Variants in SLC22A23 observed in about 807,000 individuals in gnomAD.
SLC22A23 encodes solute carrier family 22 member 23.
SLC22A23 carries 26 observed loss-of-function variants against 61.0 expected under a neutral mutation model. The ratio of observed to expected loss-of-function variants is 0.43; its 90% CI spans 0.31 to 0.59. SLC22A23 has a LOEUF of 0.59. Ranked by LOEUF, SLC22A23 falls within the 20% of genes least tolerant of loss-of-function variation. The probability of loss-of-function intolerance (pLI) is 0.11; values close to 1 mark genes in which losing one functional copy is unlikely to be tolerated. For synonymous variants in SLC22A23, 430 were observed against 413.9 expected, an observed-to-expected ratio of 1.04 and a Z score of -0.47; for missense variants, 796 against 934.7, an observed-to-expected ratio of 0.85 and a Z score of 1.94.
chr6:3,357,370 A>C (rs1156957927), intron 3 of SLC22A23, among the ~76,000 whole-genome samples: 1 of 152,184 alleles, frequency 6.6e-6, no homozygotes. Flanking sequence ...GTGGCTCAGC[A>C]ATAGTGTAAG....
chr6:3,336,716 T>C (rs1763878576), intron 3 of SLC22A23, among the ~76,000 whole-genome samples: 1 of 151,016 alleles, frequency 6.6e-6, no homozygotes, highest in Admixed American at 6.6e-5. Flanking sequence ...ACCACAGAAA[T>C]CAGGCACAAC....
At position 3,455,904 on chromosome 6, in the gene SLC22A23, A is replaced by G; in HGVS notation, c.654+2T>C. 1 of 1,494,894 alleles carries G rather than the reference A, an allele frequency of 6.7e-7. No individual in the cohort carries two copies. The highest frequency in any genetic ancestry group is 9.0e-7 in the Non-Finnish European group (1 of 1,114,912). 92.6% of individuals were successfully genotyped at this position (1,494,894 alleles called of 1,614,324 possible). A position where few individuals can be genotyped will look rare whatever the true frequency, so the allele number is the denominator to read the frequency against. On this transcript the variant is annotated splice_donor_variant, in intron 1 of 9. Coordinates refer to ENST00000406686, the MANE Select transcript of SLC22A23 (RefSeq NM_015482.2). LOFTEE classifies it high-confidence loss of function. ...GAGGGACTGGGCGGCTGCGGCCCTT[A>G]CCTTGCTGACCACGTTCTGGACGAG... is the stretch of plus-strand genomic sequence containing the variant.
chr6:3,290,587 A>C (rs1760491709), intron 5 of SLC22A23: 1 of 153,260 alleles, frequency 6.5e-6, no homozygotes. Flanking sequence ...CATGAGACTG[A>C]GTTTCTTGTG....
At chr6:3,352,866 C>T (rs968813380) in intron 3 of SLC22A23, among the ~76,000 whole-genome samples, 5 of 152,072 alleles carry the variant, frequency 3.3e-5, no homozygotes, top group South Asian at 2.1e-4. Flanking sequence ...ATGGACAAGC[C>T]GCGTGCCCTG....
rs558889389 is a variant in SLC22A23, at chr6:3,394,008, G to A, written c.913+16180C>T. On this transcript the variant is annotated intron_variant, in intron 3 of 9. Coordinates refer to ENST00000406686, the MANE Select transcript of SLC22A23 (RefSeq NM_015482.2). ...AGGTGAAAAGGAAAAATGCCAAAAA[G>A]GAGAGCTTGGAAACACAGCAGAAGA... Among the ~76,000 whole-genome samples the A allele has an allele frequency of 5.1e-4, 78 of 152,266 alleles. 3 individuals are homozygous for A. The East Asian group carries it at 8.1e-3, about 16-fold the overall frequency.
At position 3,322,917 on chromosome 6, in the gene SLC22A23, A is replaced by T. The variant is rs1763044049; in HGVS notation, c.1082+917T>A. Among the ~76,000 whole-genome samples, 1 of 152,186 alleles carries T rather than the reference A, an allele frequency of 6.6e-6. No individual in the cohort carries two copies. The highest frequency in any genetic ancestry group is 1.5e-5 in the Non-Finnish European group (1 of 68,028). On this transcript the variant is annotated intron_variant, in intron 4 of 9. Transcript: ENST00000406686. The surrounding 1 kb of genome is among the most constrained non-coding windows in gnomAD (Gnocchi z 4.1). ...TTATGGGTAAGGTGAGAGTATCAGCATGGAGAGGGATGGGAAGGAAGGGAA... is the reference window on the plus strand; with the variant it reads ...TTATGGGTAAGGTGAGAGTATCAGCTTGGAGAGGGATGGGAAGGAAGGGAA...
intron 3 of SLC22A23, among the ~76,000 whole-genome samples, chr6:3,349,267 G>T (rs1295729321): frequency 6.6e-6 from 1 of 152,190 alleles, no homozygotes; most frequent in African/African-American, 2.4e-5. Flanking sequence ...GCTTCGGACT[G>T]GGCAGTCAGA....
intron 1 of SLC22A23, among the ~76,000 whole-genome samples, chr6:3,432,567 G>A (rs908718492): frequency 6.6e-6 from 1 of 152,088 alleles, no homozygotes; most frequent in Non-Finnish European, 1.5e-5. Flanking sequence ...GAACATTTGG[G>A]GGCTTCAAAT....
chr6:3,340,600 C>T (rs764367076), intron 3 of SLC22A23, among the ~76,000 whole-genome samples: 3 of 152,082 alleles, frequency 2.0e-5, no homozygotes, highest in Admixed American at 6.5e-5. Flanking sequence ...GCTTTGTAAC[C>T]GATCCTTTGT....
chr6:3,424,041 A>G (rs918683195), intron 1 of SLC22A23, among the ~76,000 whole-genome samples: 1 of 152,174 alleles, frequency 6.6e-6, no homozygotes, highest in African/African-American at 2.4e-5. Context: ...TTGTTGTAAC[A>G]GGACCCTGTT....
chr6:3,423,566 C>T (rs937078487), intron 1 of SLC22A23, among the ~76,000 whole-genome samples: 2 of 152,094 alleles, frequency 1.3e-5, no homozygotes, highest in Non-Finnish European at 2.9e-5. Flanking sequence ...AGAGTAAGCC[C>T]TGTAAGTTAA....
In SLC22A23 at chr6:3,456,417, G is replaced by A. The variant is rs1274650952; in HGVS notation, c.143C>T (p.Ala48Val). The change falls in exon 1 of 10, where the codon GCG (alanine) becomes GTG (valine). Residue 48 changes from alanine to valine, a missense_variant. Transcript: ENST00000406686. This position sits in a 1 kb window ranked among gnomAD's most constrained non-coding sequence, Gnocchi z 7.1. ...LGGRAGPGGG[A>V]EIQPLPPLHP... ...CAGTGGGGGCAGCGGCTGGATCTCC[G>A]CGCCGCCGCCGGGGCCCGCGCGTCC... The A allele has an allele frequency of 7.2e-7, 1 of 1,383,250 alleles. No individual in the cohort carries two copies. The highest frequency in any genetic ancestry group is 9.4e-7 in the Non-Finnish European group (1 of 1,067,010). The allele number at this position is 1,383,250 out of a possible 1,614,324, so 85.7% of individuals were successfully genotyped here.
At chr6:3,332,308 A>G (rs1457481833) in intron 3 of SLC22A23, among the ~76,000 whole-genome samples, 4 of 152,226 alleles carry the variant, frequency 2.6e-5, no homozygotes, top group Non-Finnish European at 5.9e-5. Context: ...TAAACAGAAT[A>G]GATCTCAATA....
intron 1 of SLC22A23, among the ~76,000 whole-genome samples, chr6:3,449,460 A>G (rs1460749722): frequency 6.6e-6 from 1 of 152,264 alleles, no homozygotes; most frequent in African/African-American, 2.4e-5. Context: ...CTATAAATAC[A>G]TAAGAAAATA....
chr6:3,357,539 A>G (rs1180756173), intron 3 of SLC22A23, among the ~76,000 whole-genome samples: 1 of 152,154 alleles, frequency 6.6e-6, no homozygotes, highest in Non-Finnish European at 1.5e-5. Context: ...TATCAAAAAG[A>G]TATCTAAAAG....
In SLC22A23 at chr6:3,397,130, A is replaced by AGAGT. The variant is rs1352004440; in HGVS notation, c.913+13054_913+13057dup. On this transcript the variant is annotated intron_variant, in intron 3 of 9. Coordinates refer to ENST00000406686, the MANE Select transcript of SLC22A23 (RefSeq NM_015482.2). ...GAGGTTTGAGCAGCAGGGCACTGGA[A>AGAGT]GAGTGACCCACTCTCCCATCCCACA... 2.0e-5 allele frequency among the ~76,000 whole-genome samples: 3 copies of AGAGT among 152,186 alleles called. No homozygotes were observed. In the East Asian group the frequency reaches 5.8e-4, roughly 29 times the overall value.
rs1446419459 is a variant in SLC22A23, at chr6:3,272,500, CAGAA to C, written c.*551_*554del. On this transcript the variant is annotated 3_prime_UTR_variant, in exon 10 of 10. Transcript: ENST00000406686. ...CGAACAGAAGCTCTTACCTTACAAA[CAGAA>C]AGGGAAAAAGGACCTTAAAAAACCA... 8.5e-5 allele frequency: 13 copies of C among 152,688 alleles called. No individual in the cohort carries two copies. The highest frequency in any genetic ancestry group is 2.9e-4 in the African/African-American group (12 of 41,436). The allele number at this position is 152,688 out of a possible 1,614,324, so 9.5% of individuals were successfully genotyped here.
rs1353476039 is a variant in SLC22A23, at chr6:3,318,603, A to G, written c.1082+5231T>C. ...TTCCCAGGAGGCCCTGTGTGGTCCT[A>G]TGTACCCCTTCCTCCTGGGAACTGA... On this transcript the variant is annotated intron_variant, in intron 4 of 9. Transcript: ENST00000406686. This position sits in a 1 kb window ranked among gnomAD's most constrained non-coding sequence, Gnocchi z 4.3. Among the ~76,000 whole-genome samples the G allele has an allele frequency of 6.6e-6, 1 of 151,818 alleles. No homozygotes were observed. Among genetic ancestry groups the G allele is most frequent in the East Asian group, 1.9e-4 (1 of 5,158 alleles).
chr6:3,451,229 A>T (rs985985538), intron 1 of SLC22A23, among the ~76,000 whole-genome samples: 3 of 152,198 alleles, frequency 2.0e-5, no homozygotes, highest in African/African-American at 7.2e-5. Context: ...ACAGGGTCTC[A>T]CTCTGTCGCC....
Sources: allele counts gnomAD v4.1 joint callset (sites outside exome capture counted in the v4.1 genomes callset), GRCh38; gene constraint gnomAD v4.1.1; non-coding constraint Gnocchi (gnomAD v3.1); transcripts MANE v1.5; gene names NCBI Gene and HGNC (gene_info 2026-07-23, HGNC 2026-07-21).